CA10: variants seen among roughly 807,000 people sequenced by gnomAD.
CA10 encodes carbonic anhydrase 10 (inactive).
CA10 carries 14 observed loss-of-function variants against 44.2 expected under a neutral mutation model. That is an observed-to-expected ratio of 0.32 (90% CI 0.21 to 0.50). CA10 has a LOEUF of 0.50. Ranked by LOEUF, CA10 falls within the 20% of genes least tolerant of loss-of-function variation. The pLI, the probability that CA10 is intolerant of heterozygous loss-of-function variation, is 0.99. For synonymous variants in CA10, 159 were observed against 141.6 expected (o/e 1.12, Z -0.87); for missense variants, 350 against 409.7 (o/e 0.85, Z 1.26).
chr17:51,860,797 G>C (rs1426384228), intron 3 of CA10, among the ~76,000 whole-genome samples: 5 of 151,968 alleles, frequency 3.3e-5, no homozygotes, highest in African/African-American at 9.7e-5. Context: ...ATACCTTTAG[G>C]GGTATTCAGA....
chr17:52,157,642 C>T, intron 1 of CA10, 84 bp downstream of exon 1: 1 of 1,261,582 alleles, frequency 7.9e-7, no homozygotes, highest in Non-Finnish European at 1.2e-6. Flanking sequence ...CTCTCTGCCC[C>T]GCGGCTATAT....
chr17:51,691,416 A>G (rs1915187966), intron 4 of CA10, among the ~76,000 whole-genome samples: 1 of 152,154 alleles, frequency 6.6e-6, no homozygotes, highest in Non-Finnish European at 1.5e-5. Flanking sequence ...TTTTTAAATC[A>G]GGTGTTTTTA....
At chr17:52,095,191 G>GAGGGAAAGA (rs1391502862) in intron 1 of CA10, among the ~76,000 whole-genome samples, 1 of 152,132 alleles carries the variant, frequency 6.6e-6, no homozygotes, top group Non-Finnish European at 1.5e-5. Context: ...TCAGGTTGTA[G>GAGGGAAAGA]AGTGAAAGAA....
intron 2 of CA10, among the ~76,000 whole-genome samples, chr17:52,065,951 G>T (rs1002189127): frequency 4.6e-5 from 7 of 152,150 alleles, no homozygotes; most frequent in African/African-American, 1.4e-4. Context: ...AGTTTTCATC[G>T]CATCCAGTTG....
intron 1 of CA10, among the ~76,000 whole-genome samples, chr17:52,156,239 C>G (rs541576019): frequency 2.1e-4 from 32 of 152,210 alleles, no homozygotes; most frequent in Admixed American, 1.7e-3. Context: ...AAAATATGGC[C>G]TTGTGAGATG....
At chr17:51,692,026 C>T (rs1313617257) in intron 4 of CA10, among the ~76,000 whole-genome samples, 2 of 152,110 alleles carry the variant, frequency 1.3e-5, no homozygotes, top group African/African-American at 2.4e-5. Flanking sequence ...TTTTCTATTT[C>T]TATGAACAAT....
intron 4 of CA10, among the ~76,000 whole-genome samples, chr17:51,744,763 T>C (rs1033479524): frequency 2.0e-5 from 3 of 151,926 alleles, no homozygotes; most frequent in Non-Finnish European, 2.9e-5. Flanking sequence ...CCATTGGCCA[T>C]AGGTGTCTTC....
At chr17:51,740,575 C>T (rs572942083) in intron 4 of CA10, among the ~76,000 whole-genome samples, 1 of 152,280 alleles carries the variant, frequency 6.6e-6, no homozygotes, top group South Asian at 2.1e-4. Context: ...TGTCTCTGTG[C>T]TTTGGAATTT....
At chr17:52,113,510 G>A (rs1279792496) in intron 1 of CA10, among the ~76,000 whole-genome samples, 1 of 152,106 alleles carries the variant, frequency 6.6e-6, no homozygotes, top group Non-Finnish European at 1.5e-5. Context: ...ATCTGCTTGA[G>A]AAAGCAAGAC....
At chr17:51,752,314 C>G (rs540763989) in intron 3 of CA10, among the ~76,000 whole-genome samples, 1 of 150,704 alleles carries the variant, frequency 6.6e-6, no homozygotes, top group Non-Finnish European at 1.5e-5. Context: ...TATTTGGGTG[C>G]GCAGCATGTT....
chr17:51,749,875 C>T (rs906427778), intron 3 of CA10, among the ~76,000 whole-genome samples: 9 of 152,176 alleles, frequency 5.9e-5, no homozygotes, highest in African/African-American at 7.2e-5. Context: ...TGTGTCTCTT[C>T]GTTCTAGTTC....
intron 2 of CA10, among the ~76,000 whole-genome samples, chr17:51,937,815 T>G (rs554448303): frequency 1.3e-5 from 2 of 152,300 alleles, no homozygotes; most frequent in Admixed American, 1.3e-4. Flanking sequence ...CAAGCTGACC[T>G]GGCCCTTTTC....
At chr17:51,856,811 C>T (rs897702949) in intron 3 of CA10, among the ~76,000 whole-genome samples, 1 of 152,090 alleles carries the variant, frequency 6.6e-6, no homozygotes, top group African/African-American at 2.4e-5. Flanking sequence ...TGAAAGGCTC[C>T]AAAGCGGGGG....
At chr17:52,010,897 A>G (rs1208815947) in intron 2 of CA10, among the ~76,000 whole-genome samples, 1 of 151,298 alleles carries the variant, frequency 6.6e-6, no homozygotes, top group Admixed American at 6.6e-5. Flanking sequence ...TTTAAATTCA[A>G]TGAGCAGGGA....
intron 3 of CA10, among the ~76,000 whole-genome samples, chr17:51,764,927 T>C (rs1210362274): frequency 6.6e-6 from 1 of 152,222 alleles, no homozygotes; most frequent in Non-Finnish European, 1.5e-5. Flanking sequence ...GCCTGCAATA[T>C]AACTGCTCCA....
chr17:51,926,406 T>C (rs1289336479), intron 3 of CA10, among the ~76,000 whole-genome samples: 2 of 152,240 alleles, frequency 1.3e-5, no homozygotes, highest in African/African-American at 4.8e-5. Flanking sequence ...TAAACCAGTA[T>C]AATCTTTATG....
chr17:51,864,271 G>C (rs1006352120), intron 3 of CA10, among the ~76,000 whole-genome samples: 19 of 152,248 alleles, frequency 1.2e-4, no homozygotes, highest in African/African-American at 4.3e-4. Context: ...TTATGACATA[G>C]GGATAATGAT....
intron 1 of CA10, among the ~76,000 whole-genome samples, chr17:52,079,357 G>T (rs1171542592): frequency 6.6e-6 from 1 of 151,984 alleles, no homozygotes; most frequent in Non-Finnish European, 1.5e-5. Flanking sequence ...TACTTGGGAG[G>T]CTGAGGCAGG....
chr17:51,643,493 C>T (rs555852470), intron 6 of CA10, among the ~76,000 whole-genome samples: 1 of 152,110 alleles, frequency 6.6e-6, no homozygotes, highest in South Asian at 2.1e-4. Flanking sequence ...AAATTCAGCC[C>T]GAATTTAGTT....
Sources: allele counts gnomAD v4.1 joint callset (sites outside exome capture counted in the v4.1 genomes callset), GRCh38; gene constraint gnomAD v4.1.1; transcripts MANE v1.5; gene names NCBI Gene and HGNC (gene_info 2026-07-23, HGNC 2026-07-21).